The following BZW2 variants were observed in gnomAD, a reference collection of about 807,000 sequenced individuals.
BZW2 encodes the protein eIF5-mimic protein 1.
Under a neutral mutation model 53.2 loss-of-function variants are expected in BZW2, and 23 were observed. That is an observed-to-expected ratio of 0.43 (90% CI 0.31 to 0.61). The LOEUF (loss-of-function observed/expected upper bound fraction) is 0.61, where lower values mean the gene tolerates loss of function less well. BZW2 is among the 20% of genes least tolerant of loss of function. The probability of loss-of-function intolerance (pLI) is 0.09; values close to 1 mark genes in which losing one functional copy is unlikely to be tolerated. For synonymous variants in BZW2, 227 were observed against 186.4 expected (o/e 1.22, Z -1.77); for missense variants, 409 against 503.1 (o/e 0.81, Z 1.79).
intron 2 of BZW2, among the ~76,000 whole-genome samples, chr7:16,668,387 G>C (rs568913776): frequency 6.6e-6 from 1 of 152,172 alleles, no homozygotes; most frequent in Admixed American, 6.5e-5. Flanking sequence ...GAGCCACTGA[G>C]AAATATATAT....
At chr7:16,652,094 G>C (rs1446378786) in intron 1 of BZW2, among the ~76,000 whole-genome samples, 2 of 152,116 alleles carry the variant, frequency 1.3e-5, no homozygotes, top group East Asian at 1.9e-4. Flanking sequence ...GTTCTGCTTT[G>C]ATCTCCACTG....
chr7:16,664,660 C>T (rs1238116957), intron 1 of BZW2, among the ~76,000 whole-genome samples: 2 of 152,202 alleles, frequency 1.3e-5, no homozygotes, highest in Admixed American at 6.5e-5. Flanking sequence ...CATAAAGCTT[C>T]GTGGTGTTCC....
intron 5 of BZW2, 97 bp downstream of exon 5, chr7:16,682,942 A>G (rs1782996550): frequency 2.7e-6 from 2 of 731,262 alleles, no homozygotes; most frequent in African/African-American, 1.8e-5. Context: ...TCACGCCTGT[A>G]ATCCCAGCAC....
intron 1 of BZW2, among the ~76,000 whole-genome samples, chr7:16,664,641 T>A (rs1460992379): frequency 6.6e-6 from 1 of 152,244 alleles, no homozygotes; most frequent in African/African-American, 2.4e-5. Context: ...TAGATCTAAT[T>A]CTTGCTTTCA....
chr7:16,699,503 G>A (rs891324251), intron 10 of BZW2, among the ~76,000 whole-genome samples: 9 of 152,176 alleles, frequency 5.9e-5, no homozygotes, highest in African/African-American at 1.9e-4. Context: ...TTTGAGGGTG[G>A]TCAATTTTTT....
intron 8 of BZW2, 83 bp from the exon 9 acceptor site, chr7:16,696,832 C>G: frequency 6.9e-7 from 1 of 1,451,538 alleles, no homozygotes; most frequent in Non-Finnish European, 9.6e-7. Flanking sequence ...TGCCCCAAAA[C>G]CTTGATTGAC....
rs1331496651 is a variant in BZW2 at position 16,686,007 on chromosome 7, A to G, written c.508A>G (p.Thr170Ala). The change falls in exon 6 of 12, where the codon ACC becomes GCC. Residue 170 changes from threonine (T) to alanine (A), a missense_variant. Transcript: ENST00000258761. ...GNGTLPATIL[T>A]SLFTDSLVKE... ...TGGCACCCTGCCCGCCACCATCCTC[A>G]CCAGTCTCTTCACCGACAGCTTAGT... The G allele has an allele frequency of 6.2e-7, 1 of 1,608,638 alleles. No homozygotes were observed. The highest frequency in any genetic ancestry group is 8.5e-7 in the Non-Finnish European group (1 of 1,178,496).
intron 7 of BZW2, among the ~76,000 whole-genome samples, chr7:16,691,878 C>CTG (rs10611881): frequency 0.043 from 6,477 of 149,662 alleles, 176 homozygotes; most frequent in Non-Finnish European, 0.063. Flanking sequence ...TTACTAGGTT[C>CTG]TGTGTGTGTG....
chr7:16,665,602 T>G, intron 2 of BZW2, 101 bp downstream of exon 2: 4 of 1,537,824 alleles, frequency 2.6e-6, no homozygotes, highest in Non-Finnish European at 3.5e-6. Context: ...CCTCACTGAT[T>G]CTACTCATTT....
intron 2 of BZW2, among the ~76,000 whole-genome samples, chr7:16,667,555 G>C (rs1029769206): frequency 3.3e-5 from 5 of 152,154 alleles, no homozygotes; most frequent in African/African-American, 1.2e-4. Flanking sequence ...CTCCATTTAA[G>C]TAACAAGTCT....
chr7:16,675,849 G>A (rs930623979), intron 3 of BZW2, among the ~76,000 whole-genome samples: 11 of 152,250 alleles, frequency 7.2e-5, no homozygotes, highest in Non-Finnish European at 1.6e-4. Flanking sequence ...GGAGGCTGAG[G>A]CGGGCGGATC....
chr7:16,671,533 C>T (rs1782599358), intron 2 of BZW2, among the ~76,000 whole-genome samples: 1 of 152,046 alleles, frequency 6.6e-6, no homozygotes, highest in South Asian at 2.1e-4. Context: ...CTTGTTTTTT[C>T]CCTCTTGCCT....
At chr7:16,683,434 C>T (rs890917731) in intron 5 of BZW2, among the ~76,000 whole-genome samples, 4 of 152,146 alleles carry the variant, frequency 2.6e-5, no homozygotes, top group African/African-American at 7.2e-5. Context: ...GGGCTATAAC[C>T]TCTGACCTTG....
At position 16,646,303 on chromosome 7, in the gene BZW2, A is replaced by C. The variant is rs1781859309; in HGVS notation, c.-8+15A>C. On this transcript the variant is annotated intron_variant, in intron 1 of 11. Transcript: ENST00000258761. ...TCCTCGGACAGGTGAGAAGCAGCCC[A>C]GGTGAGGCAAGGGGCGCCGTGAGGG... 1 of 205,106 alleles carries C rather than the reference A, an allele frequency of 4.9e-6. No individual in the cohort carries two copies. Among genetic ancestry groups the C allele is most frequent in the South Asian group, 4.8e-5 (1 of 20,674 alleles). 12.7% of individuals were successfully genotyped at this position (205,106 alleles called of 1,614,324 possible). A position where few individuals can be genotyped will look rare whatever the true frequency, so the allele number is the denominator to read the frequency against.
chr7:16,692,620 C>T (rs1003917679), intron 7 of BZW2, among the ~76,000 whole-genome samples: 6 of 151,926 alleles, frequency 3.9e-5, no homozygotes, highest in Admixed American at 2.6e-4. Flanking sequence ...AAAAATTAGC[C>T]GGGCGTGATG....
intron 7 of BZW2, among the ~76,000 whole-genome samples, chr7:16,690,405 A>G (rs1253041436): frequency 6.6e-6 from 1 of 152,070 alleles, no homozygotes; most frequent in African/African-American, 2.4e-5. Context: ...GGGTTTCACC[A>G]TGTTGGCCAG....
At position 16,689,712 on chromosome 7, in the gene BZW2, A is replaced by C. The variant is rs114116855; in HGVS notation, c.542-85A>C. The C allele has an allele frequency of 1.4e-3, 1,614 of 1,132,510 alleles. 18 individuals carry two copies. In the African/African-American group the frequency reaches 0.023, roughly 16 times the overall value. The allele number at this position is 1,132,510 out of a possible 1,614,324, so 70.2% of individuals were successfully genotyped here. On this transcript the variant is annotated intron_variant, in intron 6 of 11. Transcript: ENST00000258761. ...AAATTAGTCTTTTAGTTATTTACAC[A>C]TTTCAGGAAACCTGGTTGCTTTGCA...
Position 16,678,350 on chromosome 7 carries a change from G to T in BZW2, c.236-2951G>T, listed in dbSNP as rs114798449. Among the ~76,000 whole-genome samples the T allele has an allele frequency of 2.9e-3, 441 of 151,866 alleles. 1 individual carries two copies. The highest frequency in any genetic ancestry group is 0.01 in the African/African-American group (430 of 41,458). On this transcript the variant is annotated intron_variant, in intron 3 of 11. Coordinates refer to ENST00000258761, the MANE Select transcript of BZW2 (RefSeq NM_014038.3). Reference sequence around the variant, plus strand: ...ATGGGCCACCACGCCCGGCCCCATTGTTCTTAAAATAGCAGCTATCTTGGT... The same window carrying T: ...ATGGGCCACCACGCCCGGCCCCATTTTTCTTAAAATAGCAGCTATCTTGGT...
In BZW2 at chr7:16,696,945, A is replaced by T; in HGVS notation, c.853A>T (p.Arg285Trp). 1 of 1,614,138 alleles carries T rather than the reference A, an allele frequency of 6.2e-7. No individual in the cohort carries two copies. Among genetic ancestry groups the T allele is most frequent in the Non-Finnish European group, 8.5e-7 (1 of 1,179,982 alleles). ...VVLYVKEEMKRNDLPETAVIG... is the reference protein window; with the variant it reads ...VVLYVKEEMKWNDLPETAVIG... ...GCTTTATGTCAAAGAAGAAATGAAG[A>T]GGAATGATCTTCCAGAAACAGCAGT... Residue 285 changes from arginine (R) to tryptophan (W), a missense_variant, in exon 9 of 12, where the codon AGG (arginine) becomes TGG (tryptophan). Arg to Trp is a moderately radical substitution (Grantham distance 101, BLOSUM62 -3). Around this residue, in one of 3 missense-constraint regions of BZW2, gnomAD observed 316 missense variants for 366.8 expected, o/e 0.86. Coordinates refer to ENST00000258761, the MANE Select transcript of BZW2 (RefSeq NM_014038.3).
Sources: gnomAD v4.1 joint callset for allele counts (sites outside exome capture counted in the v4.1 genomes callset) on GRCh38, gnomAD v4.1.1 for gene constraint, gnomAD v4.1.1 regional missense constraint, MANE v1.5 for transcripts, NCBI Gene and HGNC (gene_info 2026-07-23, HGNC 2026-07-21) for gene names.